Variants in OSBPL8 observed in about 807,000 individuals in gnomAD.
OSBPL8 encodes the protein oxysterol binding protein like 8.
A neutral mutation model predicts 125.5 loss-of-function variants in OSBPL8; 59 were observed. The ratio of observed to expected loss-of-function variants is 0.47; its 90% confidence interval spans 0.38 to 0.58. The LOEUF is 0.58. Ranked by LOEUF, OSBPL8 falls within the 20% of genes least tolerant of loss-of-function variation. OSBPL8 has a pLI of 0.00. For synonymous variants in OSBPL8, 330 were observed against 338.9 expected (o/e 0.97, Z 0.29); for missense variants, 758 against 1,047.8 (o/e 0.72, Z 3.82).
chr12:76,383,028 A>C (rs1392653792), intron 15 of OSBPL8, among the ~76,000 whole-genome samples: 1 of 152,256 alleles, frequency 6.6e-6, no homozygotes, highest in Admixed American at 6.5e-5. Context: ...GGAAAAAATA[A>C]GAAAAAATGT....
At chr12:76,496,139 A>G (rs140092990) in intron 1 of OSBPL8, among the ~76,000 whole-genome samples, 23 of 150,898 alleles carry the variant, frequency 1.5e-4, no homozygotes, top group African/African-American at 4.9e-4. Context: ...CCAATTACAC[A>G]TTAGTCTCTT....
At chr12:76,367,156 T>C (rs1952447425) in intron 21 of OSBPL8, among the ~76,000 whole-genome samples, 1 of 152,168 alleles carries the variant, frequency 6.6e-6, no homozygotes, top group South Asian at 2.1e-4. Flanking sequence ...GAATTCTTCA[T>C]CTATTGTTAT....
Position 76,537,035 on chromosome 12 carries a change from C to A in OSBPL8, c.-68+22362G>T, listed in dbSNP as rs371392276. 87 of 151,838 alleles carry A rather than the reference C, an allele frequency of 5.7e-4. 2 individuals carry two copies. The highest frequency in any genetic ancestry group is 2.1e-3 in the African/African-American group (86 of 41,320). 9.4% of individuals were successfully genotyped at this position (151,838 alleles called of 1,614,324 possible). ...CAGCTTCAGTCTCTTGGAGGTTAGC[C>A]ACAGTTCTTCCCAAAAGAAAAAAAA... On this transcript the variant is annotated intron_variant, in intron 1 of 23. Transcript: ENST00000261183.
Position 76,369,262 on chromosome 12 carries a change from A to C in OSBPL8, c.2280T>G (p.Phe760Leu). 6.2e-7 allele frequency: 1 copy of C among 1,612,766 alleles called. No homozygotes were observed. The highest frequency in any genetic ancestry group is 8.5e-7 in the Non-Finnish European group (1 of 1,179,424). Reference protein sequence around the residue: ...PWDPLNDMIQFEKDGVIQTKV... With the variant: ...PWDPLNDMIQLEKDGVIQTKV... Reference sequence around the variant, plus strand: ...TGGTCTGAATAACACCATCTTTTTCAAACTGTATCATATCATTAAGTGGGT... The same window carrying C: ...TGGTCTGAATAACACCATCTTTTTCCAACTGTATCATATCATTAAGTGGGT... Residue 760 changes from phenylalanine to leucine, a missense_variant, in exon 21 of 24, where the codon TTT becomes TTG. Coordinates refer to ENST00000261183, the MANE Select transcript of OSBPL8 (RefSeq NM_020841.5).
chr12:76,372,907 G>A (rs1248721876), intron 18 of OSBPL8, among the ~76,000 whole-genome samples: 1 of 152,072 alleles, frequency 6.6e-6, no homozygotes, highest in East Asian at 1.9e-4. Context: ...CTGGGGCCAG[G>A]GTTCCTGGGC....
At chr12:76,548,386 G>A (rs895239035) in intron 1 of OSBPL8, among the ~76,000 whole-genome samples, 19 of 152,046 alleles carry the variant, frequency 1.2e-4, no homozygotes, top group African/African-American at 4.3e-4. Context: ...TAAAGTAAAT[G>A]GTACAGCAGA....
At chr12:76,524,569 C>A (rs1950113650) in intron 1 of OSBPL8, among the ~76,000 whole-genome samples, 1 of 151,628 alleles carries the variant, frequency 6.6e-6, no homozygotes, top group Admixed American at 6.6e-5. Flanking sequence ...AAAGGACAAC[C>A]AGGTATTACA....
At chr12:76,394,180 T>G (rs1953694262) in intron 9 of OSBPL8, among the ~76,000 whole-genome samples, 1 of 152,148 alleles carries the variant, frequency 6.6e-6, no homozygotes, top group African/African-American at 2.4e-5. Flanking sequence ...TACCTTGATA[T>G]CATTTAAGTT....
At chr12:76,546,347 G>C (rs1020396829) in intron 1 of OSBPL8, among the ~76,000 whole-genome samples, 2 of 152,044 alleles carry the variant, frequency 1.3e-5, no homozygotes, top group African/African-American at 4.8e-5. Flanking sequence ...TGTTTTTACA[G>C]AGAAATCTTC....
At chr12:76,483,374 C>T (rs910298496) in intron 2 of OSBPL8, among the ~76,000 whole-genome samples, 3 of 151,620 alleles carry the variant, frequency 2.0e-5, no homozygotes, top group Non-Finnish European at 4.4e-5. Context: ...ACCATCTGGC[C>T]AACATGGTGA....
chr12:76,376,067 T>C (rs1346878688), intron 16 of OSBPL8, among the ~76,000 whole-genome samples: 1 of 152,150 alleles, frequency 6.6e-6, no homozygotes, highest in Non-Finnish European at 1.5e-5. Context: ...CTGATGAAAA[T>C]GTTGGCACAA....
At chr12:76,539,406 A>G (rs1950583169) in intron 1 of OSBPL8, among the ~76,000 whole-genome samples, 1 of 152,210 alleles carries the variant, frequency 6.6e-6, no homozygotes, top group South Asian at 2.1e-4. Context: ...TAAATGCCAA[A>G]GTTTAAGAAT....
At chr12:76,539,599 T>G (rs1950589406) in intron 1 of OSBPL8, among the ~76,000 whole-genome samples, 1 of 152,188 alleles carries the variant, frequency 6.6e-6, no homozygotes, top group Non-Finnish European at 1.5e-5. Context: ...CAATGTTAAT[T>G]CAAAAAATGA....
intron 4 of OSBPL8, among the ~76,000 whole-genome samples, chr12:76,425,068 CAGAT>C (rs773084102): frequency 1.3e-5 from 2 of 152,120 alleles, no homozygotes; most frequent in Admixed American, 6.6e-5. Flanking sequence ...GATCATGAAT[CAGAT>C]AGGCTATTTA....
At chr12:76,549,644 AC>A (rs1229424069) in intron 1 of OSBPL8, among the ~76,000 whole-genome samples, 1 of 151,854 alleles carries the variant, frequency 6.6e-6, no homozygotes, top group African/African-American at 2.4e-5. Flanking sequence ...CTCATGATCC[AC>A]CCGCCTCGGC....
chr12:76,477,361 T>C (rs1378035927), intron 2 of OSBPL8, among the ~76,000 whole-genome samples: 2 of 152,038 alleles, frequency 1.3e-5, no homozygotes, highest in South Asian at 2.1e-4. Flanking sequence ...ACAGCAAAAA[T>C]AAGTTATGCT....
intron 21 of OSBPL8, among the ~76,000 whole-genome samples, chr12:76,366,253 T>C (rs1952410168): frequency 6.6e-6 from 1 of 152,366 alleles, no homozygotes; most frequent in East Asian, 1.9e-4. Context: ...AATCTCTTTA[T>C]TGTTACAGCT....
At chr12:76,418,761 A>C (rs1271846795) in intron 4 of OSBPL8, among the ~76,000 whole-genome samples, 1 of 152,094 alleles carries the variant, frequency 6.6e-6, no homozygotes, top group African/African-American at 2.4e-5. Context: ...GAACCCCAGG[A>C]GGCGGAGGTT....
intron 3 of OSBPL8, among the ~76,000 whole-genome samples, chr12:76,457,653 C>CTT (rs1340111008): frequency 2.6e-5 from 4 of 152,146 alleles, no homozygotes; most frequent in Non-Finnish European, 4.4e-5. Flanking sequence ...CAGACCCAGC[C>CTT]TTTTAATACT....
Sources: allele counts gnomAD v4.1 joint callset (sites outside exome capture counted in the v4.1 genomes callset), GRCh38; gene constraint gnomAD v4.1.1; transcripts MANE v1.5; gene names NCBI Gene and HGNC (gene_info 2026-07-23, HGNC 2026-07-21).